The following GNAT3 variants were observed in gnomAD, a reference collection of about 807,000 sequenced individuals.
GNAT3 encodes the protein guanine nucleotide-binding protein G(t) subunit alpha-3.
GNAT3 carries 31 observed loss-of-function variants against 37.7 expected under a neutral mutation model. That is an observed-to-expected ratio of 0.82 (90% CI 0.62 to 1.11). GNAT3 has a LOEUF of 1.11. Among genes scored for constraint, GNAT3 ranks in the 50% most tolerant of loss-of-function variants. The probability of loss-of-function intolerance (pLI) is 0.00; values close to 1 mark genes in which losing one functional copy is unlikely to be tolerated. For synonymous variants in GNAT3, 138 were observed against 139.8 expected, an observed-to-expected ratio of 0.99 and a Z score of 0.09; for missense variants, 437 against 412.5, an observed-to-expected ratio of 1.06 and a Z score of -0.51.
intron 1 of GNAT3, among the ~76,000 whole-genome samples, chr7:80,499,524 A>G (rs1384321980): frequency 6.6e-6 from 1 of 152,122 alleles, no homozygotes; most frequent in Non-Finnish European, 1.5e-5. Flanking sequence ...CTGGAATTAC[A>G]AGCATGAGCC....
At chr7:80,506,432 G>C (rs1425627700) in intron 1 of GNAT3, among the ~76,000 whole-genome samples, 1 of 152,106 alleles carries the variant, frequency 6.6e-6, no homozygotes, top group East Asian at 1.9e-4. Context: ...CAAATTATTT[G>C]TCTATGTGCT....
chr7:80,503,059 A>T lies in GNAT3; in HGVS notation c.119-8412T>A, dbSNP rs200510517. ...AGCCAGGGTAGTCTTTATTTTTTTTAAAAAAAGCCAAGTACTATCATTTTA... is the reference window on the plus strand; with the variant it reads ...AGCCAGGGTAGTCTTTATTTTTTTTTAAAAAAGCCAAGTACTATCATTTTA... On this transcript the variant is annotated intron_variant, in intron 1 of 7. Coordinates refer to ENST00000398291, the MANE Select transcript of GNAT3 (RefSeq NM_001102386.3). Among the ~76,000 whole-genome samples, 403 of 152,122 alleles carry T rather than the reference A, an allele frequency of 2.6e-3. 1 individual carries two copies. The highest frequency in any genetic ancestry group is 3.2e-3 in the Non-Finnish European group (217 of 67,956).
rs770117629 is a variant in GNAT3, at chr7:80,479,006, A to G, written c.304-8T>C. The G allele has an allele frequency of 1.9e-6, 3 of 1,578,278 alleles. No homozygotes were observed. Among genetic ancestry groups the G allele is most frequent in the Non-Finnish European group, 1.7e-6 (2 of 1,162,152 alleles). On this transcript the variant is annotated splice_polypyrimidine_tract_variant and splice_region_variant and intron_variant, in intron 3 of 7. Transcript: ENST00000398291. ...AAGTTGTCGTTGGTCCTCCTAGAAC[A>G]ATATTTTGGTGAGAATAAGTATGTA...
intron 5 of GNAT3, among the ~76,000 whole-genome samples, chr7:80,472,180 A>G (rs1019902576): frequency 1.3e-5 from 2 of 152,132 alleles, no homozygotes; most frequent in African/African-American, 4.8e-5. Flanking sequence ...TGCAGTGGCT[A>G]TGGCTCACCC....
intron 1 of GNAT3, among the ~76,000 whole-genome samples, chr7:80,502,735 C>G (rs1204364131): frequency 6.6e-6 from 1 of 151,684 alleles, no homozygotes; most frequent in Non-Finnish European, 1.5e-5. Flanking sequence ...TTTGAATATC[C>G]TAAATTATCA....
intron 1 of GNAT3, among the ~76,000 whole-genome samples, chr7:80,502,906 A>G (rs1416937789): frequency 6.6e-6 from 1 of 152,042 alleles, no homozygotes; most frequent in Non-Finnish European, 1.5e-5. Context: ...ACATTCCTCA[A>G]ATCTTATTTT....
intron 2 of GNAT3, among the ~76,000 whole-genome samples, chr7:80,489,724 A>G (rs1017238186): frequency 1.3e-5 from 2 of 152,170 alleles, no homozygotes; most frequent in African/African-American, 2.4e-5. Flanking sequence ...ACCATTAAAT[A>G]ACTTACATAA....
At chr7:80,479,102 G>T (rs2116171578) in intron 3 of GNAT3, 104 bp from the exon 4 acceptor site, 4 of 822,034 alleles carry the variant, frequency 4.9e-6, no homozygotes, top group South Asian at 2.4e-5. Flanking sequence ...TATTCTTTTA[G>T]CTAATAATTC....
intron 2 of GNAT3, among the ~76,000 whole-genome samples, chr7:80,490,810 C>T (rs1360770629): frequency 6.6e-6 from 1 of 152,118 alleles, no homozygotes; most frequent in African/African-American, 2.4e-5. Context: ...TACACCTGGG[C>T]CACAAACACA....
At chr7:80,486,970 C>T (rs917866254) in intron 3 of GNAT3, among the ~76,000 whole-genome samples, 10 of 151,914 alleles carry the variant, frequency 6.6e-5, no homozygotes, top group African/African-American at 2.2e-4. Flanking sequence ...TCAGAGGGTA[C>T]GTCTATTTTT....
At chr7:80,473,182 C>G (rs565455626) in intron 5 of GNAT3, among the ~76,000 whole-genome samples, 1 of 152,158 alleles carries the variant, frequency 6.6e-6, no homozygotes, top group South Asian at 2.1e-4. Flanking sequence ...TGATCCCAAT[C>G]GGTGCAGTCC....
chr7:80,505,509 G>A (rs1790918314), intron 1 of GNAT3, among the ~76,000 whole-genome samples: 1 of 152,096 alleles, frequency 6.6e-6, no homozygotes, highest in Non-Finnish European at 1.5e-5. Flanking sequence ...TGGGACTACA[G>A]GCGCCCGCCA....
chr7:80,482,180 C>T (rs972685099), intron 3 of GNAT3, among the ~76,000 whole-genome samples: 2 of 152,154 alleles, frequency 1.3e-5, no homozygotes, highest in African/African-American at 4.8e-5. Flanking sequence ...TATCAAGTCT[C>T]AACCTGATTT....
intron 1 of GNAT3, among the ~76,000 whole-genome samples, chr7:80,510,228 T>C (rs1335630717): frequency 2.0e-5 from 3 of 152,154 alleles, no homozygotes; most frequent in African/African-American, 7.2e-5. Flanking sequence ...CTGATATGCT[T>C]ATCTCAAGAG....
At chr7:80,460,502 T>G (rs994417136) in intron 7 of GNAT3, among the ~76,000 whole-genome samples, 5 of 152,112 alleles carry the variant, frequency 3.3e-5, no homozygotes, top group Non-Finnish European at 7.4e-5. Flanking sequence ...CCTGTAATCC[T>G]AACACTTTGG....
At position 80,489,731 on chromosome 7, in the gene GNAT3, A is replaced by G. The variant is rs74297406; in HGVS notation, c.162-1055T>C. 8.5e-4 allele frequency among the ~76,000 whole-genome samples: 129 copies of G among 152,272 alleles called. 2 individuals are homozygous for G. The East Asian group carries it at 0.022, about 26-fold the overall frequency. On this transcript the variant is annotated intron_variant, in intron 2 of 7. Coordinates refer to ENST00000398291, the MANE Select transcript of GNAT3 (RefSeq NM_001102386.3). ...TGCATTAAACCATTAAATAACTTACATAAGTAAATAAAATAGACAAAGGCT... is the reference window on the plus strand; with the variant it reads ...TGCATTAAACCATTAAATAACTTACGTAAGTAAATAAAATAGACAAAGGCT...
At chr7:80,464,966 A>G (rs1200979882) in intron 5 of GNAT3, among the ~76,000 whole-genome samples, 1 of 152,110 alleles carries the variant, frequency 6.6e-6, no homozygotes, top group Non-Finnish European at 1.5e-5. Context: ...TATATGTGCT[A>G]CTAATTACCA....
At chr7:80,473,891 TAGAA>T (rs1161779202) in intron 5 of GNAT3, among the ~76,000 whole-genome samples, 1 of 152,148 alleles carries the variant, frequency 6.6e-6, no homozygotes, top group African/African-American at 2.4e-5. Flanking sequence ...AATAGGAAAA[TAGAA>T]AGGCAAAGGA....
intron 3 of GNAT3, chr7:80,487,769 C>T (rs894859079): frequency 1.3e-5 from 2 of 152,078 alleles, no homozygotes; most frequent in Admixed American, 1.3e-4. Flanking sequence ...CTGGAGGGGA[C>T]ATATGGAAGT....
Sources: gnomAD v4.1 joint callset for allele counts (sites outside exome capture counted in the v4.1 genomes callset) on GRCh38, gnomAD v4.1.1 for gene constraint, MANE v1.5 for transcripts, NCBI Gene and HGNC (gene_info 2026-07-23, HGNC 2026-07-21) for gene names.